RNF128: variants seen among roughly 807,000 people sequenced by gnomAD.
RNF128 encodes the protein ring finger protein 128, also known as E3 ubiquitin-protein ligase RNF128.
Under a neutral mutation model 26.2 loss-of-function variants are expected in RNF128, and 13 were observed. That is an observed-to-expected ratio of 0.50 (90% CI 0.32 to 0.79). The LOEUF is 0.79. Among genes scored for constraint, RNF128 ranks in the 30% least tolerant of loss-of-function variants. RNF128 has a pLI of 0.03. For synonymous variants in RNF128, 149 were observed against 142.5 expected (o/e 1.05, Z -0.32); for missense variants, 315 against 349.7 (o/e 0.90, Z 0.79).
upstream of RNF128, among the ~76,000 whole-genome samples, chrX:106,725,215 G>T (rs545298487): frequency 9.0e-6 from 1 of 111,403 alleles, no homozygotes; most frequent in South Asian, 3.8e-4. Flanking sequence ...CAGTATTTGG[G>T]GGTACCATGC....
At chrX:106,757,572 T>G (rs1395827998) in intron 1 of RNF128, among the ~76,000 whole-genome samples, 1 of 70,251 alleles carries the variant, frequency 1.4e-5, no homozygotes, top group Admixed American at 1.9e-4. Flanking sequence ...TATCACACTC[T>G]AGGGACTGTG....
Position 106,791,145 on chromosome X carries a change from A to G in RNF128, c.1064A>G (p.Glu355Gly). ...TCTAATAGTGCCTCCTCCCATGAAGAGGATAATCGCAGCGAGACCGCATCA... is the reference window on the plus strand; with the variant it reads ...TCTAATAGTGCCTCCTCCCATGAAGGGGATAATCGCAGCGAGACCGCATCA... Reference protein sequence around the residue: ...EISNSASSHEEDNRSETASSG... With the variant: ...EISNSASSHEGDNRSETASSG... Residue 355 changes from glutamate to glycine, a missense_variant, in exon 6 of 7, where the codon GAG (glutamate) becomes GGG (glycine). Physicochemically the swap from Glu to Gly is moderately conservative, Grantham distance 98. Transcript: ENST00000255499. The G allele has an allele frequency of 8.3e-7, 1 of 1,209,428 alleles. No individual in the cohort carries two copies. The highest frequency in any genetic ancestry group is 1.8e-5 in the South Asian group (1 of 56,865).
At chrX:106,735,420 C>T (rs1435135260) in intron 1 of RNF128, among the ~76,000 whole-genome samples, 1 of 111,129 alleles carries the variant, frequency 9.0e-6, no homozygotes, top group African/African-American at 3.3e-5. Context: ...TAAATACTGC[C>T]TGCAACTAAA....
intron 1 of RNF128, 31 bp from the exon 2 acceptor site, chrX:106,772,882 A>G: frequency 3.4e-6 from 4 of 1,187,567 alleles, no homozygotes; most frequent in Non-Finnish European, 4.5e-6. Flanking sequence ...ATGTTTCACC[A>G]AACTAAAACT....
intron 1 of RNF128, among the ~76,000 whole-genome samples, chrX:106,739,263 G>A (rs1219617189): frequency 9.1e-6 from 1 of 110,311 alleles, no homozygotes; most frequent in Admixed American, 9.8e-5. Context: ...GGGTTCAAGC[G>A]ATTCTCCTGC....
intron 1 of RNF128, among the ~76,000 whole-genome samples, chrX:106,763,652 G>A (rs1465793776): frequency 9.0e-5 from 10 of 110,801 alleles, no homozygotes; most frequent in Non-Finnish European, 1.7e-4. Context: ...GACTACAGGC[G>A]CCCGCCACCA....
At chrX:106,763,599 C>T (rs1424435441) in intron 1 of RNF128, among the ~76,000 whole-genome samples, 6 of 112,026 alleles carry the variant, frequency 5.4e-5, no homozygotes, top group South Asian at 7.4e-4. Flanking sequence ...CTCCGCCTCC[C>T]GGGTTCACGC....
At chrX:106,773,931 G>T (rs962772026) in intron 2 of RNF128, among the ~76,000 whole-genome samples, 3 of 110,984 alleles carry the variant, frequency 2.7e-5, no homozygotes, top group Non-Finnish European at 3.8e-5. Flanking sequence ...AGTTCCCGTG[G>T]CCCTTCTTTC....
chrX:106,770,303 T>C (rs1029073189), intron 1 of RNF128, among the ~76,000 whole-genome samples: 6 of 111,718 alleles, frequency 5.4e-5, no homozygotes, highest in Non-Finnish European at 9.4e-5. Flanking sequence ...CCTTGCTAGA[T>C]TGGGGAAGTT....
At chrX:106,751,500 T>G (rs1282203767) in intron 1 of RNF128, among the ~76,000 whole-genome samples, 1 of 110,796 alleles carries the variant, frequency 9.0e-6, no homozygotes, top group Non-Finnish European at 1.9e-5. Flanking sequence ...CCAAAAGGAC[T>G]GCAATTTTGA....
Position 106,770,105 on chromosome X carries a change from G to A in RNF128, c.485-2808G>A, listed in dbSNP as rs149876433. ...TCTTCTGATTTGTAGAGTTTCTGCCGAGAGATCCGCTGTTAGTCTGATGGG... is the reference window on the plus strand; with the variant it reads ...TCTTCTGATTTGTAGAGTTTCTGCCAAGAGATCCGCTGTTAGTCTGATGGG... On this transcript the variant is annotated intron_variant, in intron 1 of 6. Coordinates refer to ENST00000255499, the MANE Select transcript of RNF128 (RefSeq NM_194463.2). Among the ~76,000 whole-genome samples, 427 of 112,016 alleles carry A rather than the reference G, an allele frequency of 3.8e-3. 5 individuals are homozygous for A. The highest frequency in any genetic ancestry group is 0.012 in the African/African-American group (385 of 30,822).
chrX:106,784,923 A>T (rs1930628409), intron 2 of RNF128, 142 bp from the exon 3 acceptor site: 4 of 441,552 alleles, frequency 9.1e-6, no homozygotes, highest in Middle Eastern at 6.8e-4. Flanking sequence ...GACATTTATT[A>T]TGGCTAATTA....
At chrX:106,721,336 T>C (rs1172979662) in intron 1 of RNF128, among the ~76,000 whole-genome samples, 1 of 111,887 alleles carries the variant, frequency 8.9e-6, no homozygotes, top group Non-Finnish European at 1.9e-5. Flanking sequence ...ATTCATTTAA[T>C]GGTGAGAAGC....
At chrX:106,711,830 A>G (rs548986093) in intron 1 of RNF128, among the ~76,000 whole-genome samples, 5 of 112,191 alleles carry the variant, frequency 4.5e-5, no homozygotes, top group Middle Eastern at 4.6e-3. Flanking sequence ...TGCTTCAATT[A>G]TGAGAACACC....
intron 1 of RNF128, among the ~76,000 whole-genome samples, chrX:106,697,080 G>T (rs775318614): frequency 8.9e-6 from 1 of 111,868 alleles, no homozygotes; most frequent in East Asian, 2.8e-4. Flanking sequence ...ACCCTAGCTG[G>T]CTTTGTTCTG....
At position 106,792,172 on chromosome X, in the gene RNF128, T is replaced by C. The variant is rs369547929; in HGVS notation, c.1153+938T>C. ...CTTGAATATAAACTAGTTATAAGTA[T>C]CTTAATAATCTGTGGATTATTCTAC... is the stretch of plus-strand genomic sequence containing the variant. On this transcript the variant is annotated intron_variant, in intron 6 of 6. Coordinates refer to ENST00000255499, the MANE Select transcript of RNF128 (RefSeq NM_194463.2). 4.5e-5 allele frequency among the ~76,000 whole-genome samples: 5 copies of C among 110,922 alleles called. No homozygotes were observed. The East Asian group carries it at 1.4e-3, about 31-fold the overall frequency.
chrX:106,731,214 A>T (rs1382520019), intron 1 of RNF128, among the ~76,000 whole-genome samples: 1 of 112,217 alleles, frequency 8.9e-6, no homozygotes, highest in Admixed American at 9.4e-5. Context: ...AGTCTAGAGT[A>T]CTTCAAAGTC....
intron 1 of RNF128, among the ~76,000 whole-genome samples, chrX:106,733,317 CT>C (rs1273732273): frequency 9.0e-6 from 1 of 111,022 alleles, no homozygotes; most frequent in Non-Finnish European, 1.9e-5. Context: ...ACATAAATAA[CT>C]TTTCCCCCCT....
At chrX:106,731,718 A>C (rs1438141167) in intron 1 of RNF128, among the ~76,000 whole-genome samples, 1 of 111,274 alleles carries the variant, frequency 9.0e-6, no homozygotes, top group Admixed American at 9.6e-5. Context: ...TCTCACTTGC[A>C]TCCCAGACTC....
Sources: allele counts gnomAD v4.1 joint callset (sites outside exome capture counted in the v4.1 genomes callset), GRCh38; gene constraint gnomAD v4.1.1; transcripts MANE v1.5; gene names NCBI Gene and HGNC (gene_info 2026-07-23, HGNC 2026-07-21).